Variants in SIGLEC14 observed in about 807,000 individuals in gnomAD.
SIGLEC14 encodes the protein sialic acid-binding Ig-like lectin 14.
A neutral mutation model predicts 34.2 loss-of-function variants in SIGLEC14; 11 were observed. The ratio of observed to expected loss-of-function variants is 0.32; its 90% CI spans 0.20 to 0.53. The LOEUF is 0.53. Ranked by LOEUF, SIGLEC14 falls within the 20% of genes least tolerant of loss-of-function variation. The pLI is 0.95. For synonymous variants in SIGLEC14, 99 were observed against 179.7 expected (o/e 0.55, Z 3.59); for missense variants, 264 against 439.0 (o/e 0.60, Z 3.56).
chr19:51,641,524 A>G lies in SIGLEC14; in HGVS notation c.*1831T>C, dbSNP rs1983905858. On this transcript the variant is annotated 3_prime_UTR_variant, in exon 7 of 7. Transcript: ENST00000360844. ...CACTGCAGCACTATTCACAATAGCA[A>G]TGACATGGAATCAACCTAACTGCCT... is the stretch of plus-strand genomic sequence containing the variant. Among the ~76,000 whole-genome samples, 1 of 139,752 alleles carries G rather than the reference A, an allele frequency of 7.2e-6. No individual in the cohort carries two copies. The highest frequency in any genetic ancestry group is 1.5e-5 in the Non-Finnish European group (1 of 65,152). The allele number at this position is 139,752 out of a possible 152,430, so 91.7% of individuals were successfully genotyped here.
intron 6 of SIGLEC14, 49 bp downstream of exon 6, chr19:51,643,488 G>GCCCCCCCCCCCCCC: frequency 7.8e-7 from 1 of 1,290,076 alleles, no homozygotes; most frequent in Non-Finnish European, 1.0e-6. Flanking sequence ...GGACAGCTCA[G>GCCCCCCCCCCCCCC]CCCCACCTGG....
rs971247390 is a variant in SIGLEC14 at position 51,640,984 on chromosome 19, A to AT, written c.*2370dup. ...GAGCGAAACTCTGTCTCAAAAAAAA[A>AT]TTTTTTTTAAGTTGATTCTTTAAGA... On this transcript the variant is annotated 3_prime_UTR_variant, in exon 7 of 7. Coordinates refer to ENST00000360844, the MANE Select transcript of SIGLEC14 (RefSeq NM_001098612.3). Among the ~76,000 whole-genome samples the AT allele has an allele frequency of 2.3e-4, 32 of 138,840 alleles. 6 individuals are homozygous for AT. Among genetic ancestry groups the AT allele is most frequent in the African/African-American group, 8.2e-4 (30 of 36,618 alleles). 91.1% of individuals were successfully genotyped at this position (138,840 alleles called of 152,430 possible).
At position 51,645,862 on chromosome 19, in the gene SIGLEC14, T is replaced by C. The variant is rs1322889245; in HGVS notation, c.620A>G (p.His207Arg). The part of the protein sequence containing the change: ...ELTLTPRPED[H>R]GTNLTCQVKR... Reference sequence around the variant, plus strand: ...CACCTGACAGGTGAGGTTGGTGCCATGGTCCTCGGGCCTGGGGGTGAGGGT... The same window carrying C: ...CACCTGACAGGTGAGGTTGGTGCCACGGTCCTCGGGCCTGGGGGTGAGGGT... Residue 207 changes from histidine (H) to arginine (R), a missense_variant, in exon 3 of 7, where the codon CAT becomes CGT. His to Arg is a conservative substitution (Grantham distance 29). Coordinates refer to ENST00000360844, the MANE Select transcript of SIGLEC14 (RefSeq NM_001098612.3). 1 of 1,527,600 alleles carries C rather than the reference T, an allele frequency of 6.5e-7. No individual in the cohort carries two copies. Among genetic ancestry groups the C allele is most frequent in the Non-Finnish European group, 8.8e-7 (1 of 1,139,742 alleles). The allele number at this position is 1,527,600 out of a possible 1,614,324, so 94.6% of individuals were successfully genotyped here. A position where few individuals can be genotyped will look rare whatever the true frequency, so the allele number is the denominator to read the frequency against.
rs997256118 is a variant in SIGLEC14 at position 51,640,569 on chromosome 19, A to G, written c.*2786T>C. On this transcript the variant is annotated 3_prime_UTR_variant, in exon 7 of 7. Transcript: ENST00000360844. Reference sequence around the variant, plus strand: ...GGACTTAAAGGATGTGAAAATGCATACTATGCAAATACTAGTCAAAAGAAA... The same window carrying G: ...GGACTTAAAGGATGTGAAAATGCATGCTATGCAAATACTAGTCAAAAGAAA... Among the ~76,000 whole-genome samples the G allele has an allele frequency of 3.6e-5, 5 of 139,856 alleles. 1 individual carries two copies. The highest frequency in any genetic ancestry group is 1.1e-4 in the African/African-American group (4 of 36,928). 91.8% of individuals were successfully genotyped at this position (139,856 alleles called of 152,430 possible).
In SIGLEC14 at chr19:51,644,018, T is replaced by C. The variant is rs1349101702; in HGVS notation, c.773A>G (p.Asn258Ser). Residue 258 changes from asparagine to serine, a missense_variant, in exon 5 of 7, where the codon AAT (asparagine) becomes AGT (serine). Physicochemically the swap from Asn to Ser is conservative, Grantham distance 46. Around this residue, in one of 5 missense-constraint regions of SIGLEC14, gnomAD observed 149 missense variants for 184.4 expected, o/e 0.81. Coordinates refer to ENST00000360844, the MANE Select transcript of SIGLEC14 (RefSeq NM_001098612.3). ...GTGTALRILS[N>S]GMSVPIQEGQ... ...CTCCTGGATGGGCACCGACATGCCATTGCTCAGGATCCGCAGGGCTGGGAA... is the reference window on the plus strand; with the variant it reads ...CTCCTGGATGGGCACCGACATGCCACTGCTCAGGATCCGCAGGGCTGGGAA... The C allele has an allele frequency of 6.6e-7, 1 of 1,518,564 alleles. No homozygotes were observed. Among genetic ancestry groups the C allele is most frequent in the Non-Finnish European group, 8.8e-7 (1 of 1,133,376 alleles). The allele number at this position is 1,518,564 out of a possible 1,614,324, so 94.1% of individuals were successfully genotyped here. A position where few individuals can be genotyped will look rare whatever the true frequency, so the allele number is the denominator to read the frequency against.
rs1983942595 is a variant in SIGLEC14 at position 51,643,118 on chromosome 19, G to A, written c.*237C>T. 2.1e-6 allele frequency: 1 copy of A among 472,702 alleles called. No individual in the cohort carries two copies. Among genetic ancestry groups the A allele is most frequent in the Non-Finnish European group, 3.7e-6 (1 of 272,188 alleles). 29.3% of individuals were successfully genotyped at this position (472,702 alleles called of 1,614,324 possible). A position where few individuals can be genotyped will look rare whatever the true frequency, so the allele number is the denominator to read the frequency against. ...TTCCCTTCACAGGGCTGGAGATGGT[G>A]GATGGAGAGGGAAGAGAAGGGCAGG... On this transcript the variant is annotated 3_prime_UTR_variant, in exon 7 of 7. Transcript: ENST00000360844.
At chr19:51,643,442 T>C (rs1413536837) in intron 6 of SIGLEC14, 45 bp from the exon 7 acceptor site, 7 of 1,448,722 alleles carry the variant, frequency 4.8e-6, no homozygotes, top group Middle Eastern at 2.2e-4. Context: ...GCCACTTCAG[T>C]TCTAATTCCA....
At position 51,643,054 on chromosome 19, in the gene SIGLEC14, T is replaced by TTGGGTAA. The variant is rs1464613121; in HGVS notation, c.*294_*300dup. On this transcript the variant is annotated 3_prime_UTR_variant, in exon 7 of 7. Coordinates refer to ENST00000360844, the MANE Select transcript of SIGLEC14 (RefSeq NM_001098612.3). ...AAAAAAAAAAAAAAAAAGGTAACTT[T>TTGGGTAA]TGGGTAATGGGTAATGGGGGTATAA... 1.1e-5 allele frequency: 3 copies of TTGGGTAA among 262,590 alleles called. No homozygotes were observed. Among genetic ancestry groups the TTGGGTAA allele is most frequent in the Non-Finnish European group, 2.0e-5 (3 of 149,618 alleles). 16.3% of individuals were successfully genotyped at this position (262,590 alleles called of 1,614,324 possible). A position where few individuals can be genotyped will look rare whatever the true frequency, so the allele number is the denominator to read the frequency against.
Position 51,643,533 on chromosome 19 carries a change from T to C in SIGLEC14, c.1148+4A>G. 6.7e-7 allele frequency: 1 copy of C among 1,492,674 alleles called. No individual in the cohort carries two copies. Among genetic ancestry groups the C allele is most frequent in the Non-Finnish European group, 8.9e-7 (1 of 1,120,346 alleles). The allele number at this position is 1,492,674 out of a possible 1,614,324, so 92.5% of individuals were successfully genotyped here. A position where few individuals can be genotyped will look rare whatever the true frequency, so the allele number is the denominator to read the frequency against. ...GCTTCCTGGAGACAGGCAGTCCGGC[T>C]CACCTGGTATAGTAGATCCAGGTGA... On this transcript the variant is annotated splice_donor_region_variant and intron_variant, in intron 6 of 6. Coordinates refer to ENST00000360844, the MANE Select transcript of SIGLEC14 (RefSeq NM_001098612.3).
rs1417577622 is a variant in SIGLEC14 at position 51,642,151 on chromosome 19, C to T, written c.*1204G>A. ...AATATAAAAATACAACATAACAAAA[C>T]TTTTGTGGTGCAGCAAAAGTGATTA... On this transcript the variant is annotated 3_prime_UTR_variant, in exon 7 of 7. Coordinates refer to ENST00000360844, the MANE Select transcript of SIGLEC14 (RefSeq NM_001098612.3). 7.2e-6 allele frequency among the ~76,000 whole-genome samples: 1 copy of T among 138,708 alleles called. No homozygotes were observed. Among genetic ancestry groups the T allele is most frequent in the Admixed American group, 7.0e-5 (1 of 14,382 alleles). 91.0% of individuals were successfully genotyped at this position (138,708 alleles called of 152,430 possible).
chr19:51,644,341 T>G (rs4802833), intron 4 of SIGLEC14, among the ~76,000 whole-genome samples: 46,281 of 135,412 alleles, frequency 0.34, 12,893 homozygotes, highest in African/African-American at 0.5. Flanking sequence ...CCGCAACCTG[T>G]CAGGGAGGAC....
rs1220778073 is a variant in SIGLEC14 at position 51,641,929 on chromosome 19, C to T, written c.*1426G>A. Among the ~76,000 whole-genome samples, 2 of 122,142 alleles carry T rather than the reference C, an allele frequency of 1.6e-5. 1 individual carries two copies. The highest frequency in any genetic ancestry group is 7.8e-5 in the African/African-American group (2 of 25,546). 80.1% of individuals were successfully genotyped at this position (122,142 alleles called of 152,430 possible). A position where few individuals can be genotyped will look rare whatever the true frequency, so the allele number is the denominator to read the frequency against. ...TGTAACAAACCTGCACTTGTGCCCCCTGAACTTAAAAGTTAAAAAAAATCA... is the reference window on the plus strand; with the variant it reads ...TGTAACAAACCTGCACTTGTGCCCCTTGAACTTAAAAGTTAAAAAAAATCA... On this transcript the variant is annotated 3_prime_UTR_variant, in exon 7 of 7. Coordinates refer to ENST00000360844, the MANE Select transcript of SIGLEC14 (RefSeq NM_001098612.3).
Position 51,642,578 on chromosome 19 carries a change from T to C in SIGLEC14, c.*777A>G, listed in dbSNP as rs1983927863. 1 of 138,958 alleles carries C rather than the reference T, an allele frequency of 7.2e-6. No homozygotes were observed. The highest frequency in any genetic ancestry group is 1.5e-5 in the Non-Finnish European group (1 of 64,974). 8.6% of individuals were successfully genotyped at this position (138,958 alleles called of 1,614,324 possible). ...TTAAAGAGTAAAATCAGTTATGTTGTATTGTTTCATAAAAGTTTTACTTAT... is the reference window on the plus strand; with the variant it reads ...TTAAAGAGTAAAATCAGTTATGTTGCATTGTTTCATAAAAGTTTTACTTAT... On this transcript the variant is annotated 3_prime_UTR_variant, in exon 7 of 7. Coordinates refer to ENST00000360844, the MANE Select transcript of SIGLEC14 (RefSeq NM_001098612.3).
chr19:51,639,893 A>G lies in SIGLEC14; in HGVS notation c.*3462T>C, dbSNP rs1983872799. On this transcript the variant is annotated 3_prime_UTR_variant, in exon 7 of 7. Transcript: ENST00000360844. ...AGGGAAATTAAAAGAAAAACACCTGAAGTTTATAAAAGTTAAATTCATGAA... is the reference window on the plus strand; with the variant it reads ...AGGGAAATTAAAAGAAAAACACCTGGAGTTTATAAAAGTTAAATTCATGAA... The G allele has an allele frequency of 4.3e-5, 6 of 139,600 alleles. 2 individuals carry two copies. The South Asian group carries it at 1.4e-3, about 33-fold the overall frequency. 8.6% of individuals were successfully genotyped at this position (139,600 alleles called of 1,614,324 possible).
Position 51,643,917 on chromosome 19 carries a change from C to A in SIGLEC14, c.874G>T (p.Ala292Ser), listed in dbSNP as rs902573044. Residue 292 changes from alanine to serine, a missense_variant, in exon 5 of 7, where the codon GCC (alanine) becomes TCC (serine). Physicochemically the swap from Ala to Ser is moderately conservative, Grantham distance 99. This residue lies in a region of SIGLEC14 where 149 missense variants were observed against 184.4 expected (regional missense o/e 0.81). Coordinates refer to ENST00000360844, the MANE Select transcript of SIGLEC14 (RefSeq NM_001098612.3). ...ASLSWFREGK[A>S]LNPSQTSMSG... The stretch of plus-strand genomic sequence containing the variant: ...ATTGAGGTCTGGGAAGGATTGAGGG[C>A]TTTTCCCTCCCGGAACCAGCTCAGT... The A allele has an allele frequency of 2.6e-6, 4 of 1,534,176 alleles. No individual in the cohort carries two copies. In the Admixed American group the frequency reaches 6.9e-5, roughly 26 times the overall value.
Position 51,642,636 on chromosome 19 carries a change from T to G in SIGLEC14, c.*719A>C, listed in dbSNP as rs1406348124. On this transcript the variant is annotated 3_prime_UTR_variant, in exon 7 of 7. Transcript: ENST00000360844. ...CAATTGTATTGGATAATAATCACAA[T>G]GAGGTAGAGTTTTAACTGGAAAACA... 3 of 139,008 alleles carry G rather than the reference T, an allele frequency of 2.2e-5. 1 individual carries two copies. Among genetic ancestry groups the G allele is most frequent in the African/African-American group, 8.2e-5 (3 of 36,504 alleles). The allele number at this position is 139,008 out of a possible 1,614,324, so 8.6% of individuals were successfully genotyped here. A position where few individuals can be genotyped will look rare whatever the true frequency, so the allele number is the denominator to read the frequency against.
In SIGLEC14 at chr19:51,641,782, G is replaced by T. The variant is rs960148369; in HGVS notation, c.*1573C>A. Among the ~76,000 whole-genome samples, 52 of 138,650 alleles carry T rather than the reference G, an allele frequency of 3.8e-4. 5 individuals carry two copies. Among genetic ancestry groups the T allele is most frequent in the African/African-American group, 1.4e-3 (50 of 36,398 alleles). 91.0% of individuals were successfully genotyped at this position (138,650 alleles called of 152,430 possible). A position where few individuals can be genotyped will look rare whatever the true frequency, so the allele number is the denominator to read the frequency against. Reference sequence around the variant, plus strand: ...CATAGAGGTGAGCAACACACACTGGGGCCTTTCAAAGGGTGGAAGGTGGGA... The same window carrying T: ...CATAGAGGTGAGCAACACACACTGGTGCCTTTCAAAGGGTGGAAGGTGGGA... On this transcript the variant is annotated 3_prime_UTR_variant, in exon 7 of 7. Coordinates refer to ENST00000360844, the MANE Select transcript of SIGLEC14 (RefSeq NM_001098612.3).
rs1406819721 is a variant in SIGLEC14 at position 51,640,979 on chromosome 19, A to C, written c.*2376T>G. ...AAAAAGAGCGAAACTCTGTCTCAAA[A>C]AAAAATTTTTTTTAAGTTGATTCTT... On this transcript the variant is annotated 3_prime_UTR_variant, in exon 7 of 7. Transcript: ENST00000360844. Among the ~76,000 whole-genome samples the C allele has an allele frequency of 7.2e-6, 1 of 139,236 alleles. No homozygotes were observed. The allele number at this position is 139,236 out of a possible 152,430, so 91.3% of individuals were successfully genotyped here. A position where few individuals can be genotyped will look rare whatever the true frequency, so the allele number is the denominator to read the frequency against.
rs1229256306 is a variant in SIGLEC14 at position 51,640,168 on chromosome 19, A to G, written c.*3187T>C. Among the ~76,000 whole-genome samples, 1 of 139,656 alleles carries G rather than the reference A, an allele frequency of 7.2e-6. No homozygotes were observed. The highest frequency in any genetic ancestry group is 6.9e-5 in the Admixed American group (1 of 14,466). The allele number at this position is 139,656 out of a possible 152,430, so 91.6% of individuals were successfully genotyped here. A position where few individuals can be genotyped will look rare whatever the true frequency, so the allele number is the denominator to read the frequency against. Reference sequence around the variant, plus strand: ...AGTAAGCTCCTAGCAGAGTGAACTCACCACAACACAACAAAACAAACAAAC... The same window carrying G: ...AGTAAGCTCCTAGCAGAGTGAACTCGCCACAACACAACAAAACAAACAAAC... On this transcript the variant is annotated 3_prime_UTR_variant, in exon 7 of 7. Coordinates refer to ENST00000360844, the MANE Select transcript of SIGLEC14 (RefSeq NM_001098612.3).
Sources: gnomAD v4.1 joint callset for allele counts (sites outside exome capture counted in the v4.1 genomes callset) on GRCh38, gnomAD v4.1.1 for gene constraint, gnomAD v4.1.1 regional missense constraint, MANE v1.5 for transcripts, NCBI Gene and HGNC (gene_info 2026-07-23, HGNC 2026-07-21) for gene names.